UGT1A9: variants seen among roughly 807,000 people sequenced by gnomAD.
The protein encoded by UGT1A9 is UDP glucuronosyltransferase family 1 member A9.
UGT1A9 carries 35 observed loss-of-function variants against 45.0 expected under a neutral mutation model. The observed-to-expected ratio is 0.78, with a 90% CI of 0.59 to 1.03. The LOEUF is 1.03. Among genes scored for constraint, UGT1A9 ranks in the 50% least tolerant of loss-of-function variants. The pLI is 0.00. For missense variants in UGT1A9, 687 were observed against 666.6 expected (o/e 1.03, Z -0.34); for synonymous variants, 278 against 250.6 (o/e 1.11, Z -1.03).
chr2:233,679,892 A>G (rs1022236852), intron 1 of UGT1A9, among the ~76,000 whole-genome samples: 10 of 152,192 alleles, frequency 6.6e-5, no homozygotes, highest in African/African-American at 2.2e-4. Flanking sequence ...CTACACCCAC[A>G]TTAAAGTTGC....
intron 1 of UGT1A9, chr2:233,747,681 T>G (rs1693750357): frequency 1.2e-6 from 2 of 1,608,352 alleles, no homozygotes; most frequent in Admixed American, 1.7e-5. Flanking sequence ...AATTTACCTC[T>G]GTGGGGCAGT....
At position 233,769,585 on chromosome 2, in the gene UGT1A9, G is replaced by A; in HGVS notation, c.1295+1146G>A. On this transcript the variant is annotated intron_variant, in intron 4 of 4. Transcript: ENST00000354728. This position sits in a 1 kb window ranked among gnomAD's most constrained non-coding sequence, Gnocchi z 4.4. ...GAAGAGCTGGAGCATGTTCAGATGA[G>A]AGGAGACGGAACACGGGGACACACC... is the stretch of plus-strand genomic sequence containing the variant. 1.2e-6 allele frequency: 2 copies of A among 1,612,920 alleles called. No individual in the cohort carries two copies. Among genetic ancestry groups the A allele is most frequent in the Non-Finnish European group, 1.7e-6 (2 of 1,179,890 alleles).
intron 1 of UGT1A9, chr2:233,713,970 T>A (rs2076359096): frequency 3.1e-6 from 5 of 1,600,488 alleles, no homozygotes; most frequent in Non-Finnish European, 4.3e-6. Context: ...ATTTCATTTC[T>A]GCTTCTCATT....
Position 233,768,287 on chromosome 2 carries a change from T to C in UGT1A9, c.1143T>C (p.Asn381=), listed in dbSNP as rs1256701591. ...ATGGTGTTTATGAAAGCATATGCAA[T>C]GGCGTTCCCATGGTGATGATGCCCT... ...GSHGVYESIC[N]GVPMVMMPLF... Residue 381 remains asparagine (N), a synonymous_variant, in exon 4 of 5, where the codon AAT becomes AAC. Coordinates refer to ENST00000354728, the MANE Select transcript of UGT1A9 (RefSeq NM_021027.3). 1 of 1,614,056 alleles carries C rather than the reference T, an allele frequency of 6.2e-7. No homozygotes were observed. Among genetic ancestry groups the C allele is most frequent in the Non-Finnish European group, 8.5e-7 (1 of 1,180,042 alleles).
chr2:233,674,423 C>G (rs1160534286), intron 1 of UGT1A9, among the ~76,000 whole-genome samples: 1 of 152,144 alleles, frequency 6.6e-6, no homozygotes, highest in Non-Finnish European at 1.5e-5. Context: ...ATTGTAGTAA[C>G]AGGCACCACT....
chr2:233,686,048 A>G (rs1575435852), intron 1 of UGT1A9, among the ~76,000 whole-genome samples: 1 of 152,318 alleles, frequency 6.6e-6, no homozygotes, highest in Non-Finnish European at 1.5e-5. Context: ...AATGGCAAAG[A>G]ATAGTGTCTT....
At chr2:233,674,686 T>C (rs535111812) in intron 1 of UGT1A9, among the ~76,000 whole-genome samples, 3 of 152,328 alleles carry the variant, frequency 2.0e-5, no homozygotes, top group African/African-American at 7.2e-5. Context: ...TATGTGTCTA[T>C]TAAAGAATAT....
At chr2:233,676,520 A>G (rs757649289) in intron 1 of UGT1A9, among the ~76,000 whole-genome samples, 2 of 152,168 alleles carry the variant, frequency 1.3e-5, no homozygotes, top group African/African-American at 2.4e-5. Context: ...TTTCCTTCAG[A>G]TTTCATTAAT....
chr2:233,685,677 T>TA (rs2074749656), intron 1 of UGT1A9, among the ~76,000 whole-genome samples: 1 of 152,234 alleles, frequency 6.6e-6, no homozygotes, highest in Admixed American at 6.5e-5. Context: ...TGTGTACCCA[T>TA]ATAGCCATTC....
intron 1 of UGT1A9, among the ~76,000 whole-genome samples, chr2:233,718,242 C>T (rs2076642509): frequency 6.6e-6 from 1 of 152,148 alleles, no homozygotes; most frequent in Non-Finnish European, 1.5e-5. Flanking sequence ...CCTCTTTGAG[C>T]TTTACAAGAA....
intron 1 of UGT1A9, among the ~76,000 whole-genome samples, chr2:233,744,723 G>A (rs187577100): frequency 9.2e-5 from 14 of 151,876 alleles, no homozygotes; most frequent in Admixed American, 8.5e-4. Flanking sequence ...AGAGAATGAC[G>A]GTGAAAAAAT....
In UGT1A9 at chr2:233,772,647, T is replaced by C. The variant is rs1430291963; in HGVS notation, c.*88T>C. 7 of 1,549,866 alleles carry C rather than the reference T, an allele frequency of 4.5e-6. No homozygotes were observed. In the African/African-American group the frequency reaches 5.5e-5, roughly 12 times the overall value. On this transcript the variant is annotated 3_prime_UTR_variant, in exon 5 of 5. Transcript: ENST00000354728. ...CAGAATCAGTGTTAAATTCATTTTATTCTTATTAAGGAAATACTTTGCATA... is the reference window on the plus strand; with the variant it reads ...CAGAATCAGTGTTAAATTCATTTTACTCTTATTAAGGAAATACTTTGCATA...
rs1354115874 is a variant in UGT1A9 at position 233,743,513 on chromosome 2, T to A, written c.856-23521T>A. 4 of 1,367,280 alleles carry A rather than the reference T, an allele frequency of 2.9e-6. No homozygotes were observed. In the South Asian group the frequency reaches 3.4e-5, roughly 12 times the overall value. The allele number at this position is 1,367,280 out of a possible 1,614,324, so 84.7% of individuals were successfully genotyped here. ...GCAGAGAAAAGGGGTGCAGACGCTC[T>A]GCTTCTGCTTCCCCAGCAGTTCCTC... On this transcript the variant is annotated intron_variant, in intron 1 of 4. Transcript: ENST00000354728.
chr2:233,742,137 G>A (rs1225241098), intron 1 of UGT1A9, among the ~76,000 whole-genome samples: 1 of 151,882 alleles, frequency 6.6e-6, no homozygotes, highest in Non-Finnish European at 1.5e-5. Context: ...CCCTAACCCA[G>A]CAGCGCTAGA....
chr2:233,725,800 A>G (rs1559371046), intron 1 of UGT1A9, among the ~76,000 whole-genome samples: 1 of 152,288 alleles, frequency 6.6e-6, no homozygotes, highest in East Asian at 1.9e-4. Flanking sequence ...AATAATCCTT[A>G]AAATCCATTT....
At chr2:233,750,627 TC>T (rs1482081240) in intron 1 of UGT1A9, 1 of 151,448 alleles carries the variant, frequency 6.6e-6, no homozygotes, top group Non-Finnish European at 1.5e-5. Flanking sequence ...GGGTCCATGC[TC>T]CCCCTGCTGT....
At chr2:233,682,586 C>A in intron 1 of UGT1A9, 3 of 1,613,922 alleles carry the variant, frequency 1.9e-6, no homozygotes, top group Non-Finnish European at 2.5e-6. Context: ...CTTGGAGGAA[C>A]ATTTATTTTG....
At chr2:233,724,187 G>T (rs1459882110) in intron 1 of UGT1A9, among the ~76,000 whole-genome samples, 6 of 123,410 alleles carry the variant, frequency 4.9e-5, no homozygotes, top group African/African-American at 1.1e-4. Flanking sequence ...CCTCCCGGAC[G>T]GGGTGGCTGG....
At chr2:233,693,365 C>T in intron 1 of UGT1A9, 2 of 1,614,176 alleles carry the variant, frequency 1.2e-6, no homozygotes, top group South Asian at 2.2e-5. Flanking sequence ...TGTTATTGGC[C>T]TGTACTTCAT....
Sources: gnomAD v4.1 joint callset for allele counts (sites outside exome capture counted in the v4.1 genomes callset) on GRCh38, gnomAD v4.1.1 for gene constraint, Gnocchi (gnomAD v3.1) non-coding constraint, MANE v1.5 for transcripts, NCBI Gene and HGNC (gene_info 2026-07-23, HGNC 2026-07-21) for gene names.